Variants in FMNL3 observed in about 807,000 individuals in gnomAD.
FMNL3 encodes the protein formin-like protein 3.
A neutral mutation model predicts 119.6 loss-of-function variants in FMNL3; 57 were observed. The ratio of observed to expected loss-of-function variants is 0.48; its 90% CI spans 0.39 to 0.59. FMNL3 has a LOEUF of 0.59. FMNL3 is among the 20% of genes least tolerant of loss of function. The probability of loss-of-function intolerance (pLI) is 0.00; values close to 1 mark genes in which losing one functional copy is unlikely to be tolerated. For missense variants in FMNL3, 1,053 were observed against 1,323.5 expected (o/e 0.80, Z 3.17); for synonymous variants, 491 against 507.3 (o/e 0.97, Z 0.43).
In FMNL3 at chr12:49,643,874, G is replaced by A. The variant is rs1430628616; in HGVS notation, c.*1941C>T. 2 of 1,614,216 alleles carry A rather than the reference G, an allele frequency of 1.2e-6. No homozygotes were observed. Among genetic ancestry groups the A allele is most frequent in the Non-Finnish European group, 1.7e-6 (2 of 1,180,038 alleles). The stretch of plus-strand genomic sequence containing the variant: ...GGACTCTTACAGAATAGTCCTGAGA[G>A]TGAGACAGACCCTGAGGAGAAAGCT... On this transcript the variant is annotated 3_prime_UTR_variant, in exon 26 of 26. Transcript: ENST00000335154.
At position 49,642,253 on chromosome 12, in the gene FMNL3, G is replaced by A. The variant is rs1565850433; in HGVS notation, c.*3562C>T. 1 of 1,614,046 alleles carries A rather than the reference G, an allele frequency of 6.2e-7. No homozygotes were observed. Among genetic ancestry groups the A allele is most frequent in the South Asian group, 1.1e-5 (1 of 91,088 alleles). ...TCCTCAGCTGCTGGAGAAAGCAGAG[G>A]CACGGGAGAGGGAGCGGGAGAAGGA... On this transcript the variant is annotated 3_prime_UTR_variant, in exon 26 of 26. Coordinates refer to ENST00000335154, the MANE Select transcript of FMNL3 (RefSeq NM_175736.5). The surrounding 1 kb of genome is among the most constrained non-coding windows in gnomAD (Gnocchi z 5.8).
In FMNL3 at chr12:49,641,880, CCT is replaced by C. The variant is rs753248075; in HGVS notation, c.*3933_*3934del. On this transcript the variant is annotated 3_prime_UTR_variant, in exon 26 of 26. Transcript: ENST00000335154. Reference sequence around the variant, plus strand: ...GCTTTGGCCTCAGGCACGTGGTGCCCCTGCTTCATGCACTGCTGTACCCACAG... The same window carrying C: ...GCTTTGGCCTCAGGCACGTGGTGCCCGCTTCATGCACTGCTGTACCCACAG... 9.4e-6 allele frequency: 15 copies of C among 1,602,250 alleles called. No homozygotes were observed. Among genetic ancestry groups the C allele is most frequent in the Non-Finnish European group, 1.3e-5 (15 of 1,171,608 alleles).
At chr12:49,653,516 A>G (rs954030950) in intron 12 of FMNL3, among the ~76,000 whole-genome samples, 189 bp from the exon 13 acceptor site, 2 of 152,194 alleles carry the variant, frequency 1.3e-5, no homozygotes, top group African/African-American at 2.4e-5. Flanking sequence ...CTCAAGACCA[A>G]TGCCACCTCA....
chr12:49,654,975 C>T lies in FMNL3; in HGVS notation c.895G>A (p.Glu299Lys). The T allele has an allele frequency of 6.2e-7, 1 of 1,613,992 alleles. No homozygotes were observed. Among genetic ancestry groups the T allele is most frequent in the Non-Finnish European group, 8.5e-7 (1 of 1,179,990 alleles). The part of the protein sequence containing the change: ...AFDNFKEVCK[E>K]LHRFEKLMEY... ...ATCAGCTTCTCAAAGCGGTGCAGCT[C>T]CTTGCATACCTGAATGAGCAAACTT... The change falls in exon 10 of 26, where the codon GAG (glutamate) becomes AAG (lysine). Residue 299 changes from glutamate to lysine, a missense_variant. Glu to Lys is a moderately conservative substitution (Grantham distance 56). Transcript: ENST00000335154.
At chr12:49,670,465 C>A (rs1260056319) in intron 1 of FMNL3, among the ~76,000 whole-genome samples, 1 of 152,090 alleles carries the variant, frequency 6.6e-6, no homozygotes, top group Non-Finnish European at 1.5e-5. Flanking sequence ...TGGAAGAGGT[C>A]CCAGGTCTGA....
In FMNL3 at chr12:49,636,718, A is replaced by G. The variant is rs753458912; in HGVS notation, c.*9097T>C. The stretch of plus-strand genomic sequence containing the variant: ...CGGAACCTCCTGCCTGTCTTTAGAC[A>G]TGGACAAGGAAGATGCACTGATCTG... On this transcript the variant is annotated 3_prime_UTR_variant, in exon 26 of 26. Transcript: ENST00000335154. 4.8e-5 allele frequency: 78 copies of G among 1,613,984 alleles called. No individual in the cohort carries two copies. The highest frequency in any genetic ancestry group is 6.3e-5 in the Non-Finnish European group (74 of 1,179,966).
chr12:49,661,116 A>G (rs1943721106), intron 5 of FMNL3, among the ~76,000 whole-genome samples: 1 of 152,222 alleles, frequency 6.6e-6, no homozygotes, highest in Non-Finnish European at 1.5e-5. Flanking sequence ...GTTGGTCATT[A>G]TGTTTATTAT....
chr12:49,707,345 C>T lies in FMNL3; in HGVS notation c.-165G>A. 1.8e-6 allele frequency: 1 copy of T among 550,878 alleles called. No homozygotes were observed. The highest frequency in any genetic ancestry group is 2.9e-6 in the Non-Finnish European group (1 of 349,702). 34.1% of individuals were successfully genotyped at this position (550,878 alleles called of 1,614,324 possible). ...TTCCCTGGAGTCCCGCTGGCGGGGG[C>T]GCGCGGCGAGGGCGGAGGCAGCGTA... On this transcript the variant is annotated 5_prime_UTR_variant, in exon 1 of 26. Transcript: ENST00000335154.
Position 49,641,482 on chromosome 12 carries a change from G to A in FMNL3, c.*4333C>T, listed in dbSNP as rs557081419. 5 of 174,390 alleles carry A rather than the reference G, an allele frequency of 2.9e-5. No homozygotes were observed. In the South Asian group the frequency reaches 6.0e-4, roughly 21 times the overall value. 10.8% of individuals were successfully genotyped at this position (174,390 alleles called of 1,614,324 possible). On this transcript the variant is annotated 3_prime_UTR_variant, in exon 26 of 26. Coordinates refer to ENST00000335154, the MANE Select transcript of FMNL3 (RefSeq NM_175736.5). ...AAGAGGATTAAATGAGATAATGTGT[G>A]AAACACTCATCATGGTACCTGGTAC...
intron 1 of FMNL3, among the ~76,000 whole-genome samples, chr12:49,676,970 G>A (rs1244581692): frequency 6.6e-6 from 1 of 152,150 alleles, no homozygotes; most frequent in East Asian, 1.9e-4. Context: ...CCATCAGCTT[G>A]TTTAGCACTT....
chr12:49,655,098 A>G (rs535138784), intron 9 of FMNL3, 114 bp from the exon 10 acceptor site: 1 of 907,216 alleles, frequency 1.1e-6, no homozygotes, highest in South Asian at 1.6e-5. Context: ...AAGCTTAACC[A>G]CAGCTCTATA....
At chr12:49,696,469 CTTG>C (rs1043231876) in intron 1 of FMNL3, among the ~76,000 whole-genome samples, 1 of 152,154 alleles carries the variant, frequency 6.6e-6, no homozygotes, top group Non-Finnish European at 1.5e-5. Context: ...AATTCAAGGC[CTTG>C]TTGTTTAAGA....
rs1943149776 is a variant in FMNL3 at position 49,645,625 on chromosome 12, C to T, written c.*190G>A. 1 of 554,482 alleles carries T rather than the reference C, an allele frequency of 1.8e-6. No homozygotes were observed. The highest frequency in any genetic ancestry group is 3.6e-5 in the Admixed American group (1 of 27,730). The allele number at this position is 554,482 out of a possible 1,614,324, so 34.3% of individuals were successfully genotyped here. A position where few individuals can be genotyped will look rare whatever the true frequency, so the allele number is the denominator to read the frequency against. On this transcript the variant is annotated 3_prime_UTR_variant, in exon 26 of 26. Coordinates refer to ENST00000335154, the MANE Select transcript of FMNL3 (RefSeq NM_175736.5). ...AAGACCTTGGGGGCAAAGTGCAGTA[C>T]TGGAAGCACCAGGGACCTACAGACC...
Position 49,649,154 on chromosome 12 carries a change from A to G in FMNL3, c.2390T>C (p.Leu797Pro). The change falls in exon 21 of 26, where the codon CTG (leucine) becomes CCG (proline). Residue 797 changes from leucine to proline, a missense_variant. Leu to Pro is a moderately conservative substitution (Grantham distance 98). Around this residue, in one of 4 missense-constraint regions of FMNL3, gnomAD observed 324 missense variants for 380.9 expected, o/e 0.85. Transcript: ENST00000335154. The surrounding 1 kb of genome is among the most constrained non-coding windows in gnomAD (Gnocchi z 5.6). ...CTTCCGGTCAGTGGACTTGGTATCC[A>G]GCAGCTAGGAGAGGGGGTGAGGGCG... The part of the protein sequence containing the change: ...GFKLQSLDLL[L>P]DTKSTDRKMT... 1 of 1,612,748 alleles carries G rather than the reference A, an allele frequency of 6.2e-7. No individual in the cohort carries two copies. The highest frequency in any genetic ancestry group is 1.7e-4 in the Middle Eastern group (1 of 6,050).
rs185094759 is a variant in FMNL3, at chr12:49,637,034, C to T, written c.*8781G>A. 3.8e-5 allele frequency: 34 copies of T among 897,490 alleles called. No individual in the cohort carries two copies. The African/African-American group carries it at 4.9e-4, about 13-fold the overall frequency. The allele number at this position is 897,490 out of a possible 1,614,324, so 55.6% of individuals were successfully genotyped here. A position where few individuals can be genotyped will look rare whatever the true frequency, so the allele number is the denominator to read the frequency against. The stretch of plus-strand genomic sequence containing the variant: ...TGTACCTCCTCAATTCTGGACTGTG[C>T]TCTTCTAGGGAGACTAGATGTATGC... On this transcript the variant is annotated 3_prime_UTR_variant, in exon 26 of 26. Transcript: ENST00000335154.
At chr12:49,676,050 A>G (rs1944176662) in intron 1 of FMNL3, among the ~76,000 whole-genome samples, 1 of 152,190 alleles carries the variant, frequency 6.6e-6, no homozygotes, top group South Asian at 2.1e-4. Flanking sequence ...CTTAAAATCC[A>G]GTAGCTCTAT....
intron 1 of FMNL3, among the ~76,000 whole-genome samples, chr12:49,698,511 T>C (rs575781637): frequency 5.7e-5 from 8 of 139,838 alleles, no homozygotes; most frequent in African/African-American, 2.4e-4. Flanking sequence ...GGGGAGATAC[T>C]GCTCCCCACC....
chr12:49,672,516 C>T (rs1466561483), intron 1 of FMNL3, among the ~76,000 whole-genome samples: 2 of 152,368 alleles, frequency 1.3e-5, no homozygotes, highest in South Asian at 4.1e-4. Flanking sequence ...AGCAAGGCTG[C>T]TCTGTTTGCC....
intron 1 of FMNL3, among the ~76,000 whole-genome samples, chr12:49,698,642 T>C (rs531441127): frequency 6.6e-6 from 1 of 151,990 alleles, no homozygotes; most frequent in Non-Finnish European, 1.5e-5. Flanking sequence ...AAGAGGAAGA[T>C]TCTAAAAGAG....
Sources: gnomAD v4.1 joint callset for allele counts (sites outside exome capture counted in the v4.1 genomes callset) on GRCh38, gnomAD v4.1.1 for gene constraint, gnomAD v4.1.1 regional missense constraint, Gnocchi (gnomAD v3.1) non-coding constraint, MANE v1.5 for transcripts, NCBI Gene and HGNC (gene_info 2026-07-23, HGNC 2026-07-21) for gene names.